Variants in PAQR9 observed in about 807,000 individuals in gnomAD.
The protein encoded by PAQR9 is membrane progestin receptor epsilon.
In PAQR9, 12 loss-of-function variants were observed where a neutral mutation model predicts 24.0. That is an observed-to-expected ratio of 0.50 (90% CI 0.32 to 0.81). The LOEUF is 0.81. Ranked by LOEUF, PAQR9 falls within the 30% of genes least tolerant of loss-of-function variation. The pLI is 0.03. For synonymous variants in PAQR9, 266 were observed against 237.6 expected, an observed-to-expected ratio of 1.12 and a Z score of -1.10; for missense variants, 418 against 520.8, an observed-to-expected ratio of 0.80 and a Z score of 1.92.
downstream of PAQR9, chr3:142,952,960 A>G: frequency 2.2e-6 from 1 of 447,342 alleles, no homozygotes; most frequent in Admixed American, 2.4e-5. Context: ...TATTTGGCAC[A>G]GGCTCAAGAG....
rs1225492492 is a variant in PAQR9 at position 142,956,259 on chromosome 3, A to T, written c.*5944T>A. On this transcript the variant is annotated 3_prime_UTR_variant, in exon 1 of 1. Coordinates refer to ENST00000340634, the MANE Select transcript of PAQR9 (RefSeq NM_198504.4). ...GTGTCCTTCTTCAATATCATGGTGTACTGGGAGAAGCAGGGCCATCTTTAC... is the reference window on the plus strand; with the variant it reads ...GTGTCCTTCTTCAATATCATGGTGTTCTGGGAGAAGCAGGGCCATCTTTAC... Among the ~76,000 whole-genome samples, 1 of 152,210 alleles carries T rather than the reference A, an allele frequency of 6.6e-6. No individual in the cohort carries two copies. The highest frequency in any genetic ancestry group is 1.9e-4 in the East Asian group (1 of 5,194).
downstream of PAQR9, chr3:142,951,946 C>T (rs1405858721): frequency 2.8e-6 from 1 of 359,344 alleles, no homozygotes; most frequent in Non-Finnish European, 5.4e-6. Context: ...TTCTAGTGAG[C>T]TTAATGAAGC....
At chr3:142,950,265 C>T (rs1934695478), downstream of PAQR9, 1 of 152,858 alleles carries the variant, frequency 6.5e-6, no homozygotes, top group African/African-American at 2.4e-5. Context: ...TTGTTGGAAA[C>T]TAGTCATGAT....
rs756935689 is a variant in PAQR9 at position 142,955,569 on chromosome 3, C to T, written c.*6634G>A. On this transcript the variant is annotated 3_prime_UTR_variant, in exon 1 of 1. Transcript: ENST00000340634. ...CATGGGGCTTATTCTTCTTTCTATT[C>T]TGAAGAAACAAGGGACAGAGTTCCA... 1.3e-4 allele frequency among the ~76,000 whole-genome samples: 19 copies of T among 141,152 alleles called. No homozygotes were observed. Among genetic ancestry groups the T allele is most frequent in the Admixed American group, 2.2e-4 (3 of 13,452 alleles). The allele number at this position is 141,152 out of a possible 152,430, so 92.6% of individuals were successfully genotyped here. A position where few individuals can be genotyped will look rare whatever the true frequency, so the allele number is the denominator to read the frequency against.
At chr3:142,953,538 C>T (rs551820986), downstream of PAQR9, among the ~76,000 whole-genome samples, 133 of 152,288 alleles carry the variant, frequency 8.7e-4, no homozygotes, top group African/African-American at 3.1e-3. Context: ...GGACCCCACA[C>T]TGGTAAGACA....
rs966167571 is a variant in PAQR9, at chr3:142,961,345, G to C, written c.*858C>G. The C allele has an allele frequency of 1.3e-5, 2 of 152,506 alleles. No homozygotes were observed. Among genetic ancestry groups the C allele is most frequent in the African/African-American group, 4.8e-5 (2 of 41,404 alleles). The allele number at this position is 152,506 out of a possible 1,614,324, so 9.4% of individuals were successfully genotyped here. Reference sequence around the variant, plus strand: ...AACAAAAACCAGGATGGGTTTTGTGGAATACATTAAAGTAAACAAAAATCT... The same window carrying C: ...AACAAAAACCAGGATGGGTTTTGTGCAATACATTAAAGTAAACAAAAATCT... On this transcript the variant is annotated 3_prime_UTR_variant, in exon 1 of 1. Transcript: ENST00000340634.
In PAQR9 at chr3:142,961,957, A is replaced by AT. The variant is rs962341210; in HGVS notation, c.*245dup. 6.1e-6 allele frequency: 3 copies of AT among 493,712 alleles called. No individual in the cohort carries two copies. Among genetic ancestry groups the AT allele is most frequent in the Non-Finnish European group, 1.1e-5 (3 of 276,068 alleles). 30.6% of individuals were successfully genotyped at this position (493,712 alleles called of 1,614,324 possible). A position where few individuals can be genotyped will look rare whatever the true frequency, so the allele number is the denominator to read the frequency against. On this transcript the variant is annotated 3_prime_UTR_variant, in exon 1 of 1. Transcript: ENST00000340634. ...CCTGGATGTCAAAGACATCACCTGA[A>AT]TTTTTTCCAGGGGCAAGAACAAGTG...
chr3:142,951,360 T>A (rs1395405000), downstream of PAQR9, among the ~76,000 whole-genome samples: 1 of 152,230 alleles, frequency 6.6e-6, no homozygotes, highest in African/African-American at 2.4e-5. Flanking sequence ...TGAAATAGAA[T>A]CAAACTCTCT....
chr3:142,950,759 T>C (rs1376392106), downstream of PAQR9, among the ~76,000 whole-genome samples: 5 of 152,180 alleles, frequency 3.3e-5, no homozygotes, highest in East Asian at 7.7e-4. Context: ...GGAAGGATTA[T>C]TCCTCAAAGG....
chr3:142,949,266 A>G (rs1219257884), exon 3 of PAQR9: 2 of 152,222 alleles, frequency 1.3e-5, no homozygotes, highest in African/African-American at 4.8e-5. Context: ...AGAATCTGAG[A>G]GAACTCTAAA....
At position 142,955,442 on chromosome 3, in the gene PAQR9, T is replaced by TAAAAAAAAAAAA. The variant is rs150071656; in HGVS notation, c.*6749_*6760dup. Among the ~76,000 whole-genome samples the TAAAAAAAAAAAA allele has an allele frequency of 5.6e-4, 12 of 21,602 alleles. 3 individuals carry two copies. Among genetic ancestry groups the TAAAAAAAAAAAA allele is most frequent in the Non-Finnish European group, 1.0e-3 (10 of 9,910 alleles). The allele number at this position is 21,602 out of a possible 152,430, so 14.2% of individuals were successfully genotyped here. A position where few individuals can be genotyped will look rare whatever the true frequency, so the allele number is the denominator to read the frequency against. On this transcript the variant is annotated 3_prime_UTR_variant, in exon 1 of 1. Transcript: ENST00000340634. ...GAGCGACCACATGGTCTATACAAAT[T>TAAAAAAAAAAAA]AAAAAAAAAAAAAAAAAAAAAAAAA... is the stretch of plus-strand genomic sequence containing the variant.
downstream of PAQR9, chr3:142,951,582 A>G: frequency 2.5e-6 from 1 of 401,724 alleles, no homozygotes; most frequent in Non-Finnish European, 4.9e-6. Flanking sequence ...AAGGGGATTT[A>G]TTAGTAGGCA....
chr3:142,963,129 C>T lies in PAQR9; in HGVS notation c.208G>A (p.Ala70Thr). 1 of 1,612,374 alleles carries T rather than the reference C, an allele frequency of 6.2e-7. No individual in the cohort carries two copies. Among genetic ancestry groups the T allele is most frequent in the Non-Finnish European group, 8.5e-7 (1 of 1,179,152 alleles). ...AGCACCGAGGCTAGGCACTCCTGGG[C>T]CGTGCACGGCAGACGCCGGTAGCCC... is the stretch of plus-strand genomic sequence containing the variant. ...LSGYRRLPCTAQECLASVLKP... is the reference protein window; with the variant it reads ...LSGYRRLPCTTQECLASVLKP... The change falls in exon 1 of 1, where the codon GCC becomes ACC. Residue 70 changes from alanine (A) to threonine (T), a missense_variant. This residue lies in a region of PAQR9 where 180 missense variants were observed against 190.3 expected (regional missense o/e 0.95). Coordinates refer to ENST00000340634, the MANE Select transcript of PAQR9 (RefSeq NM_198504.4).
downstream of PAQR9, among the ~76,000 whole-genome samples, chr3:142,953,375 A>AT (rs773930996): frequency 5.3e-5 from 8 of 152,260 alleles, no homozygotes; most frequent in South Asian, 2.1e-4. Context: ...GAGTGCTTCG[A>AT]TGGTACAAAT....
downstream of PAQR9, among the ~76,000 whole-genome samples, chr3:142,950,766 A>T (rs1934701289): frequency 6.6e-6 from 1 of 152,190 alleles, no homozygotes; most frequent in African/African-American, 2.4e-5. Context: ...TTATTCCTCA[A>T]AGGAAATTCA....
exon 3 of PAQR9, chr3:142,949,355 A>G (rs1201032627): frequency 1.3e-5 from 2 of 152,234 alleles, no homozygotes; most frequent in Admixed American, 1.3e-4. Flanking sequence ...CACTGAATTA[A>G]TAAGAGCTGG....
chr3:142,962,749 C>T lies in PAQR9; in HGVS notation c.588G>A (p.Leu196=). The T allele has an allele frequency of 1.2e-6, 2 of 1,612,476 alleles. No homozygotes were observed. Among genetic ancestry groups the T allele is most frequent in the Non-Finnish European group, 1.7e-6 (2 of 1,179,650 alleles). The change falls in exon 1 of 1, where the codon CTG becomes CTA. Residue 196 remains leucine (L), a synonymous_variant. Coordinates refer to ENST00000340634, the MANE Select transcript of PAQR9 (RefSeq NM_198504.4). The part of the protein sequence containing the change: ...RVMTPYLQQR[L]GWHVDCTRLI... ...GGCGCGTGCAGTCCACGTGCCAGCC[C>T]AGGCGCTGCTGCAAGTATGGAGTCA...
chr3:142,963,137 G>T lies in PAQR9; in HGVS notation c.200C>A (p.Pro67Gln). ...CFILSGYRRL[P>Q]CTAQECLASV... ...GGCTAGGCACTCCTGGGCCGTGCAC[G>T]GCAGACGCCGGTAGCCCGACAGGAT... Residue 67 changes from proline to glutamine, a missense_variant, in exon 1 of 1, where the codon CCG becomes CAG. Around this residue, in one of 3 missense-constraint regions of PAQR9, gnomAD observed 180 missense variants for 190.3 expected, o/e 0.95. Coordinates refer to ENST00000340634, the MANE Select transcript of PAQR9 (RefSeq NM_198504.4). The T allele has an allele frequency of 6.2e-7, 1 of 1,610,634 alleles. No homozygotes were observed. The highest frequency in any genetic ancestry group is 8.5e-7 in the Non-Finnish European group (1 of 1,178,354).
rs1336273757 is a variant in PAQR9 at position 142,963,307 on chromosome 3, C to T, written c.30G>A (p.Ala10=). The T allele has an allele frequency of 1.4e-6, 2 of 1,420,112 alleles. No individual in the cohort carries two copies. The highest frequency in any genetic ancestry group is 2.7e-5 in the East Asian group (1 of 36,606). 88.0% of individuals were successfully genotyped at this position (1,420,112 alleles called of 1,614,324 possible). A position where few individuals can be genotyped will look rare whatever the true frequency, so the allele number is the denominator to read the frequency against. Residue 10 remains alanine (A), a synonymous_variant, in exon 1 of 1, where the codon GCG becomes GCA. Transcript: ENST00000340634. MPRRLQPRG[A]GTKGPPAPAP... ...CCGGGGCCGGAGGGCCTTTTGTGCC[C>T]GCGCCCCGGGGCTGCAGGCGCCGCG...
Sources: allele counts gnomAD v4.1 joint callset (sites outside exome capture counted in the v4.1 genomes callset), GRCh38; gene constraint gnomAD v4.1.1; regional missense constraint gnomAD v4.1.1; transcripts MANE v1.5; gene names NCBI Gene and HGNC (gene_info 2026-07-23, HGNC 2026-07-21).